ATXN3: variants seen among roughly 807,000 people sequenced by gnomAD.
The protein encoded by ATXN3 is ataxin-3.
In ATXN3, 28 loss-of-function variants were observed where a neutral mutation model predicts 58.2. That is an observed-to-expected ratio of 0.48 (90% CI 0.36 to 0.66). The LOEUF (loss-of-function observed/expected upper bound fraction) is 0.66, where lower values mean the gene tolerates loss of function less well. Ranked by LOEUF, ATXN3 falls within the 30% of genes least tolerant of loss-of-function variation. The pLI, the probability that ATXN3 is intolerant of heterozygous loss-of-function variation, is 0.00. For missense variants in ATXN3, 321 were observed against 422.1 expected (o/e 0.76, Z 2.10); for synonymous variants, 113 against 138.5 (o/e 0.82, Z 1.29).
At chr14:92,075,512 T>C (rs2060214022) in intron 9 of ATXN3, among the ~76,000 whole-genome samples, 1 of 152,174 alleles carries the variant, frequency 6.6e-6, no homozygotes, top group Non-Finnish European at 1.5e-5. Context: ...ACTTTATGCA[T>C]TTATGCAATT....
At chr14:92,096,324 C>A (rs1040249500) in intron 2 of ATXN3, 187 bp from the exon 3 acceptor site, 22 of 1,461,048 alleles carry the variant, frequency 1.5e-5, no homozygotes, top group Non-Finnish European at 1.9e-5. Context: ...ATGGTATCCA[C>A]ATTTTTAAAA....
intron 9 of ATXN3, among the ~76,000 whole-genome samples, chr14:92,074,750 A>G (rs867028503): frequency 2.6e-5 from 4 of 152,274 alleles, no homozygotes; most frequent in South Asian, 4.1e-4. Flanking sequence ...GATAAATTAT[A>G]CCATATCACT....
At chr14:92,057,015 T>G (rs2057473204), downstream of ATXN3, among the ~76,000 whole-genome samples, 1 of 152,216 alleles carries the variant, frequency 6.6e-6, no homozygotes, top group African/African-American at 2.4e-5. Flanking sequence ...TCCTCCTCAC[T>G]GCTACACTCC....
intron 3 of ATXN3, 59 bp from the exon 4 acceptor site, chr14:92,093,890 G>T: frequency 9.9e-7 from 1 of 1,012,862 alleles, no homozygotes; most frequent in Non-Finnish European, 1.6e-6. Context: ...AATTTAGGAA[G>T]TGTAGCTATG....
At chr14:92,106,026 A>C in intron 1 of ATXN3, among the ~76,000 whole-genome samples, 1 of 152,174 alleles carries the variant, frequency 6.6e-6, no homozygotes, top group East Asian at 1.9e-4. Flanking sequence ...TGCAGGGGAA[A>C]GACACGAACA....
intron 6 of ATXN3, among the ~76,000 whole-genome samples, chr14:92,086,338 G>A (rs964300954): frequency 3.3e-5 from 5 of 151,624 alleles, no homozygotes; most frequent in East Asian, 1.9e-4. Flanking sequence ...CGAGGTGGGC[G>A]GCTCACCTGA....
At chr14:92,079,891 C>G (rs1331857010) in intron 9 of ATXN3, among the ~76,000 whole-genome samples, 4 of 152,128 alleles carry the variant, frequency 2.6e-5, no homozygotes, top group African/African-American at 9.7e-5. Context: ...GCACCCACCA[C>G]CATGCCCGGC....
At chr14:92,079,089 A>G (rs1595711906) in intron 9 of ATXN3, among the ~76,000 whole-genome samples, 2 of 149,614 alleles carry the variant, frequency 1.3e-5, no homozygotes, top group Middle Eastern at 6.8e-3. Flanking sequence ...GGGAGGCTGA[A>G]GTGGGAGAAT....
intron 5 of ATXN3, among the ~76,000 whole-genome samples, 175 bp from the exon 6 acceptor site, chr14:92,088,992 G>T (rs1485355394): frequency 6.6e-6 from 1 of 151,758 alleles, no homozygotes; most frequent in Non-Finnish European, 1.5e-5. Context: ...AACTACAAGA[G>T]AATACTGCAG....
chr14:92,101,881 G>A (rs186235175), intron 1 of ATXN3, among the ~76,000 whole-genome samples: 100 of 151,098 alleles, frequency 6.6e-4, no homozygotes, highest in African/African-American at 2.4e-3. Flanking sequence ...TAGGCTGGGC[G>A]TGGTAGCTCA....
In ATXN3 at chr14:92,070,947, C is replaced by T. The variant is rs1180670616; in HGVS notation, c.979G>A (p.Gly327Arg). The change falls in exon 10 of 11, where the codon GGG becomes AGG. Residue 327 changes from glycine to arginine, a missense_variant. Around this residue, in one of 2 missense-constraint regions of ATXN3, gnomAD observed 200 missense variants for 223.2 expected, o/e 0.90. Coordinates refer to ENST00000644486, the MANE Select transcript of ATXN3 (RefSeq NM_004993.6). ...GAGCAGGCCTTACCTAGATCACTCC[C>T]AAGTGCTCCTGAACTGGTGGCTGGC... ...ERPATSSGALGSDLGDAMSEE... is the reference protein window; with the variant it reads ...ERPATSSGALRSDLGDAMSEE... 10 of 1,565,130 alleles carry T rather than the reference C, an allele frequency of 6.4e-6. No homozygotes were observed. Among genetic ancestry groups the T allele is most frequent in the Non-Finnish European group, 7.8e-6 (9 of 1,157,254 alleles).
At chr14:92,057,109 T>C (rs1203001016), downstream of ATXN3, among the ~76,000 whole-genome samples, 1 of 152,112 alleles carries the variant, frequency 6.6e-6, no homozygotes, top group East Asian at 1.9e-4. Context: ...GCATGAATAA[T>C]CCACCCCTTG....
intron 10 of ATXN3, among the ~76,000 whole-genome samples, chr14:92,070,448 G>A (rs1206836700): frequency 3.3e-5 from 5 of 152,088 alleles, no homozygotes; most frequent in Non-Finnish European, 4.4e-5. Context: ...GCGATGTGGC[G>A]GGCGCCTGTA....
At chr14:92,068,275 G>T (rs952819686) in intron 10 of ATXN3, among the ~76,000 whole-genome samples, 2 of 152,178 alleles carry the variant, frequency 1.3e-5, no homozygotes. Context: ...TGACTTCCAG[G>T]TTGGGGTACA....
At chr14:92,089,331 T>TG (rs2063270154) in intron 5 of ATXN3, among the ~76,000 whole-genome samples, 1 of 68,570 alleles carries the variant, frequency 1.5e-5, no homozygotes, top group Non-Finnish European at 2.8e-5. Context: ...TGCTAAATAC[T>TG]CTTTTTTTTT....
At chr14:92,085,029 G>A (rs1176702810) in intron 6 of ATXN3, among the ~76,000 whole-genome samples, 1 of 151,978 alleles carries the variant, frequency 6.6e-6, no homozygotes, top group African/African-American at 2.4e-5. Context: ...GAGTTTAGAC[G>A]GTTTAATGTG....
intron 1 of ATXN3, among the ~76,000 whole-genome samples, chr14:92,098,681 T>A (rs2065981992): frequency 6.6e-6 from 1 of 152,236 alleles, no homozygotes; most frequent in Non-Finnish European, 1.5e-5. Context: ...AAAATTCTGT[T>A]CCATGTTAAA....
At chr14:92,106,508 C>T in intron 1 of ATXN3, 21 bp downstream of exon 1, 1 of 1,613,390 alleles carries the variant, frequency 6.2e-7, no homozygotes, top group Admixed American at 1.7e-5. Flanking sequence ...AGACAGCTCC[C>T]CACCGAACGC....
intron 9 of ATXN3, chr14:92,079,288 G>T (rs2061021942): frequency 4.0e-6 from 1 of 252,472 alleles, no homozygotes; most frequent in Non-Finnish European, 6.2e-6. Flanking sequence ...GTATAAATTT[G>T]GAGTTTATTA....
Sources: gnomAD v4.1 joint callset for allele counts (sites outside exome capture counted in the v4.1 genomes callset) on GRCh38, gnomAD v4.1.1 for gene constraint, gnomAD v4.1.1 regional missense constraint, MANE v1.5 for transcripts, NCBI Gene and HGNC (gene_info 2026-07-23, HGNC 2026-07-21) for gene names.